The following KCNJ3 variants were observed in gnomAD, a reference collection of about 807,000 sequenced individuals.
The protein encoded by KCNJ3 is G protein-activated inward rectifier potassium channel 1.
A neutral mutation model predicts 39.2 loss-of-function variants in KCNJ3; 4 were observed. The observed-to-expected ratio is 0.10, with a 90% CI of 0.05 to 0.23. KCNJ3 has a LOEUF of 0.23. Among genes scored for constraint, KCNJ3 ranks in the 10% least tolerant of loss-of-function variants. KCNJ3 has a pLI of 1.00. For missense variants in KCNJ3, 276 were observed against 634.9 expected, an observed-to-expected ratio of 0.43 and a Z score of 6.08; for synonymous variants, 230 against 237.4, an observed-to-expected ratio of 0.97 and a Z score of 0.29.
chr2:154,793,073 AT>A (rs1686664514), intron 2 of KCNJ3, among the ~76,000 whole-genome samples: 5 of 152,168 alleles, frequency 3.3e-5, no homozygotes, highest in Admixed American at 6.6e-5. Context: ...CTGATTTAAA[AT>A]TTTTTCCCTC....
chr2:154,837,776 G>A (rs1011060063), intron 2 of KCNJ3, among the ~76,000 whole-genome samples: 2 of 152,148 alleles, frequency 1.3e-5, no homozygotes, highest in Non-Finnish European at 2.9e-5. Context: ...ATTATATGTT[G>A]ACTGGTGATG....
chr2:154,754,152 C>T (rs559248513), intron 2 of KCNJ3, among the ~76,000 whole-genome samples: 1 of 152,184 alleles, frequency 6.6e-6, no homozygotes, highest in Non-Finnish European at 1.5e-5. Context: ...TAACCATTAG[C>T]AAATACTATT....
intron 2 of KCNJ3, among the ~76,000 whole-genome samples, chr2:154,814,744 C>CT (rs1239064004): frequency 1.3e-5 from 2 of 152,118 alleles, no homozygotes; most frequent in Non-Finnish European, 2.9e-5. Context: ...ACCTTTTAAT[C>CT]TTTTTATTTT....
At chr2:154,774,961 C>G (rs916104063) in intron 2 of KCNJ3, among the ~76,000 whole-genome samples, 1 of 152,188 alleles carries the variant, frequency 6.6e-6, no homozygotes, top group Non-Finnish European at 1.5e-5. Flanking sequence ...GTTGCCCAGG[C>G]TAGAGTGCAG....
chr2:154,733,601 T>C (rs560005194), intron 2 of KCNJ3, among the ~76,000 whole-genome samples: 2 of 152,288 alleles, frequency 1.3e-5, no homozygotes, highest in East Asian at 3.9e-4. Flanking sequence ...TTCCTTCTTG[T>C]CTTGAATTGA....
chr2:154,810,300 T>C (rs1166170565), intron 2 of KCNJ3, among the ~76,000 whole-genome samples: 2 of 152,146 alleles, frequency 1.3e-5, no homozygotes, highest in African/African-American at 4.8e-5. Context: ...TCCAGGCTAG[T>C]CTTGAACTCT....
At chr2:154,821,668 G>A (rs937169101) in intron 2 of KCNJ3, among the ~76,000 whole-genome samples, 42 of 107,868 alleles carry the variant, frequency 3.9e-4, no homozygotes, top group African/African-American at 1.3e-3. Flanking sequence ...TTGAGATGGA[G>A]TCTCACTCTG....
chr2:154,726,628 C>T lies in KCNJ3; in HGVS notation c.919+16809C>T, dbSNP rs1051699640. 4.6e-5 allele frequency among the ~76,000 whole-genome samples: 7 copies of T among 151,902 alleles called. No individual in the cohort carries two copies. In the East Asian group the frequency reaches 5.8e-4, roughly 13 times the overall value. On this transcript the variant is annotated intron_variant, in intron 2 of 2. Transcript: ENST00000295101. The stretch of plus-strand genomic sequence containing the variant: ...CTACTGGGTATCTACTCAGAGGAAA[C>T]GAAGTCATTATAAGAAAAAGATATT...
At chr2:154,785,370 C>T (rs1321693503) in intron 2 of KCNJ3, among the ~76,000 whole-genome samples, 2 of 152,146 alleles carry the variant, frequency 1.3e-5, no homozygotes, top group Non-Finnish European at 2.9e-5. Context: ...CTTGTCCTCA[C>T]GTGATCTTTT....
In KCNJ3 at chr2:154,836,071, G is replaced by T. The variant is rs575795345; in HGVS notation, c.920-18656G>T. Among the ~76,000 whole-genome samples, 71 of 152,014 alleles carry T rather than the reference G, an allele frequency of 4.7e-4. 2 individuals are homozygous for T. The highest frequency in any genetic ancestry group is 1.7e-3 in the African/African-American group (70 of 41,474). On this transcript the variant is annotated intron_variant, in intron 2 of 2. Transcript: ENST00000295101. Reference sequence around the variant, plus strand: ...CTAAAAATACAAAAATTAACCTGGCGTGGTGGCATGCGCCTGTAGTCCCAG... The same window carrying T: ...CTAAAAATACAAAAATTAACCTGGCTTGGTGGCATGCGCCTGTAGTCCCAG...
At chr2:154,816,099 C>A (rs541985352) in intron 2 of KCNJ3, among the ~76,000 whole-genome samples, 4 of 152,212 alleles carry the variant, frequency 2.6e-5, no homozygotes, top group African/African-American at 9.6e-5. Context: ...AGTAGATTCG[C>A]AAAACTGTGA....
intron 2 of KCNJ3, among the ~76,000 whole-genome samples, chr2:154,827,064 A>G (rs1037598591): frequency 1.3e-5 from 2 of 151,984 alleles, no homozygotes; most frequent in Non-Finnish European, 2.9e-5. Context: ...TCGTTTTCTG[A>G]TTGGTATATC....
At chr2:154,832,739 G>GAAGA (rs34468586) in intron 2 of KCNJ3, among the ~76,000 whole-genome samples, 66,584 of 151,724 alleles carry the variant, frequency 0.44, 15,935 homozygotes, top group Non-Finnish European at 0.54. Context: ...TTTACATTGT[G>GAAGA]AAGAATGATT....
chr2:154,754,855 G>A (rs966445699), intron 2 of KCNJ3, among the ~76,000 whole-genome samples: 1 of 152,138 alleles, frequency 6.6e-6, no homozygotes, highest in African/African-American at 2.4e-5. Context: ...ATTTGCTTGT[G>A]AAGTTATCTG....
rs901540707 is a variant in KCNJ3, at chr2:154,699,549, A to G, written c.702+72A>G. On this transcript the variant is annotated intron_variant, in intron 1 of 2. Transcript: ENST00000295101. This position sits in a 1 kb window ranked among gnomAD's most constrained non-coding sequence, Gnocchi z 6.4. ...AACCCGCGGAGTAACTCGTCTGAGAACCAGCCCGGGCCCCCTCCCCTGGTT... is the reference window on the plus strand; with the variant it reads ...AACCCGCGGAGTAACTCGTCTGAGAGCCAGCCCGGGCCCCCTCCCCTGGTT... 7.4e-6 allele frequency: 11 copies of G among 1,486,862 alleles called. No homozygotes were observed. In the Admixed American group the frequency reaches 1.2e-4, roughly 17 times the overall value. The allele number at this position is 1,486,862 out of a possible 1,614,324, so 92.1% of individuals were successfully genotyped here.
At chr2:154,844,498 G>A (rs756142942) in intron 2 of KCNJ3, among the ~76,000 whole-genome samples, 3 of 152,214 alleles carry the variant, frequency 2.0e-5, no homozygotes, top group Admixed American at 6.5e-5. Context: ...AGACAGGGAC[G>A]TTTAAATCTG....
intron 2 of KCNJ3, among the ~76,000 whole-genome samples, chr2:154,838,010 C>CTGAT (rs1324975655): frequency 6.6e-6 from 1 of 152,106 alleles, no homozygotes; most frequent in South Asian, 2.1e-4. Context: ...AATATTATTA[C>CTGAT]TGATTGATTG....
intron 2 of KCNJ3, among the ~76,000 whole-genome samples, chr2:154,788,237 T>G (rs2105208376): frequency 6.6e-6 from 1 of 152,266 alleles, no homozygotes; most frequent in East Asian, 1.9e-4. Context: ...AAGTATAGTC[T>G]AGCCAAAATA....
chr2:154,791,055 G>T (rs1686620057), intron 2 of KCNJ3, among the ~76,000 whole-genome samples: 1 of 152,080 alleles, frequency 6.6e-6, no homozygotes, highest in Non-Finnish European at 1.5e-5. Flanking sequence ...TTTGGAGGAG[G>T]TGAGGAAGAA....
Sources: gnomAD v4.1 joint callset for allele counts (sites outside exome capture counted in the v4.1 genomes callset) on GRCh38, gnomAD v4.1.1 for gene constraint, Gnocchi (gnomAD v3.1) non-coding constraint, MANE v1.5 for transcripts, NCBI Gene and HGNC (gene_info 2026-07-23, HGNC 2026-07-21) for gene names.